The following SORBS2 variants were observed in gnomAD, a reference collection of about 807,000 sequenced individuals.
SORBS2 encodes the protein sorbin and SH3 domain-containing protein 2.
SORBS2 carries 46 observed loss-of-function variants against 97.7 expected under a neutral mutation model. The observed-to-expected ratio is 0.47, with a 90% CI of 0.37 to 0.60. SORBS2 has a LOEUF of 0.60. SORBS2 is among the 20% of genes least tolerant of loss of function. The pLI, the probability that SORBS2 is intolerant of heterozygous loss-of-function variation, is 0.00. For synonymous variants in SORBS2, 476 were observed against 473.4 expected, an observed-to-expected ratio of 1.01 and a Z score of -0.07; for missense variants, 1,316 against 1,282.3, an observed-to-expected ratio of 1.03 and a Z score of -0.40.
intron 2 of SORBS2, among the ~76,000 whole-genome samples, chr4:185,688,700 T>C (rs866853574): frequency 6.6e-6 from 1 of 152,144 alleles, no homozygotes; most frequent in Admixed American, 6.6e-5. Flanking sequence ...CTACTTCATT[T>C]TGTAAACACA....
intron 2 of SORBS2, among the ~76,000 whole-genome samples, chr4:185,711,696 G>A (rs924221005): frequency 2.0e-5 from 3 of 152,246 alleles, no homozygotes; most frequent in Non-Finnish European, 4.4e-5. Context: ...TAATATTTGA[G>A]GCAATCGTAG....
intron 1 of SORBS2, among the ~76,000 whole-genome samples, chr4:185,852,291 G>A (rs1205658643): frequency 6.6e-6 from 1 of 152,140 alleles, no homozygotes; most frequent in Non-Finnish European, 1.5e-5. Context: ...AATAGCTTAA[G>A]GACTAGCGCT....
chr4:185,751,608 A>G lies in SORBS2; in HGVS notation c.-198+23619T>C, dbSNP rs375835829. On this transcript the variant is annotated intron_variant, in intron 2 of 20. Coordinates refer to the SORBS2 transcript ENST00000284776. ...AGAAGATGGTGAAGGCACCACTCCAAAGAGTGTAGATACATACTGACCACA... is the reference window on the plus strand; with the variant it reads ...AGAAGATGGTGAAGGCACCACTCCAGAGAGTGTAGATACATACTGACCACA... Among the ~76,000 whole-genome samples, 3 of 152,260 alleles carry G rather than the reference A, an allele frequency of 2.0e-5. No individual in the cohort carries two copies. The East Asian group carries it at 5.8e-4, about 29-fold the overall frequency.
intron 1 of SORBS2, among the ~76,000 whole-genome samples, chr4:185,810,445 T>C (rs891622434): frequency 6.6e-6 from 1 of 152,260 alleles, no homozygotes; most frequent in African/African-American, 2.4e-5. Context: ...TTCTTAGAAG[T>C]AGATCTCAGT....
At chr4:185,672,970 T>C (rs1372837061) in intron 4 of SORBS2, among the ~76,000 whole-genome samples, 1 of 152,138 alleles carries the variant, frequency 6.6e-6, no homozygotes, top group African/African-American at 2.4e-5. Context: ...ACAAACCAAA[T>C]GTCCATTGAT....
At chr4:185,897,574 G>A (rs2149819716) in intron 1 of SORBS2, among the ~76,000 whole-genome samples, 1 of 152,274 alleles carries the variant, frequency 6.6e-6, no homozygotes, top group Non-Finnish European at 1.5e-5. Flanking sequence ...TTTGTGAGTT[G>A]ATTTTTCAGC....
At chr4:185,894,700 G>A (rs897631511) in intron 1 of SORBS2, among the ~76,000 whole-genome samples, 4 of 152,120 alleles carry the variant, frequency 2.6e-5, no homozygotes, top group African/African-American at 7.2e-5. Context: ...GCTCCATTGC[G>A]CTGACACAGC....
intron 1 of SORBS2, among the ~76,000 whole-genome samples, chr4:185,935,976 T>G (rs2099268741): frequency 6.6e-6 from 1 of 152,190 alleles, no homozygotes; most frequent in African/African-American, 2.4e-5. Flanking sequence ...CTCAGCCTCC[T>G]GAGTAGTTGG....
chr4:185,920,113 C>T (rs1215203406), intron 1 of SORBS2, among the ~76,000 whole-genome samples: 8 of 152,160 alleles, frequency 5.3e-5, no homozygotes, highest in Admixed American at 1.3e-4. Context: ...AATAGTGGTA[C>T]ACAAATTTGA....
At chr4:185,587,827 T>A (rs1419886689) in intron 14 of SORBS2, 139 bp from the exon 27 acceptor site, 3 of 677,494 alleles carry the variant, frequency 4.4e-6, no homozygotes. Context: ...GCAACTCACA[T>A]GAAGCCCATA....
chr4:185,822,926 G>A (rs2099197651), intron 1 of SORBS2, among the ~76,000 whole-genome samples: 1 of 152,186 alleles, frequency 6.6e-6, no homozygotes, highest in African/African-American at 2.4e-5. Flanking sequence ...AATTCACGAT[G>A]CCAAAGGAAA....
chr4:185,842,371 A>G (rs2099212058), intron 1 of SORBS2, among the ~76,000 whole-genome samples: 1 of 152,210 alleles, frequency 6.6e-6, no homozygotes, highest in Admixed American at 6.5e-5. Flanking sequence ...GACAAGAAGG[A>G]AAGTGTCAGA....
chr4:185,833,131 A>G (rs921695004), intron 1 of SORBS2, among the ~76,000 whole-genome samples: 2 of 152,214 alleles, frequency 1.3e-5, no homozygotes, highest in Non-Finnish European at 2.9e-5. Context: ...AGAACAAAAG[A>G]TAAGTTATCC....
chr4:185,888,992 G>A (rs1015987594), intron 1 of SORBS2, among the ~76,000 whole-genome samples: 6 of 152,248 alleles, frequency 3.9e-5, no homozygotes, highest in Admixed American at 1.3e-4. Flanking sequence ...CACTCCAGCA[G>A]GCGACTGCTG....
chr4:185,926,657 A>G (rs1445163929), intron 1 of SORBS2, among the ~76,000 whole-genome samples: 3 of 152,032 alleles, frequency 2.0e-5, no homozygotes, highest in African/African-American at 7.2e-5. Flanking sequence ...TTATATTAGT[A>G]TAATTTAAAT....
rs576310599 is a variant in SORBS2 at position 185,597,003 on chromosome 4, G to A, written c.2797-3068C>T. 3.3e-5 allele frequency among the ~76,000 whole-genome samples: 5 copies of A among 152,214 alleles called. No individual in the cohort carries two copies. In the East Asian group the frequency reaches 9.7e-4, roughly 29 times the overall value. On this transcript the variant is annotated intron_variant, in intron 12 of 14. Transcript: ENST00000418609. ...AGAGAAGTTGTGTGTGTCTTATAATGGCGAGTTTTAGAACTTTTCAAAGCT... is the reference window on the plus strand; with the variant it reads ...AGAGAAGTTGTGTGTGTCTTATAATAGCGAGTTTTAGAACTTTTCAAAGCT...
intron 1 of SORBS2, among the ~76,000 whole-genome samples, chr4:185,905,848 A>C (rs758141529): frequency 4.9e-4 from 75 of 152,212 alleles, no homozygotes; most frequent in Non-Finnish European, 9.0e-4. Context: ...CTGCAAGACA[A>C]ATAAGGTAGT....
At chr4:185,652,708 G>C in exon 2 of SORBS2, 3 of 1,614,122 alleles carry the variant, frequency 1.9e-6, no homozygotes, top group Non-Finnish European at 2.5e-6. Flanking sequence ...TCTTGTACCA[G>C]TCCTTGGGCC....
At chr4:185,672,640 G>T (rs987260416) in intron 4 of SORBS2, among the ~76,000 whole-genome samples, 8 of 152,204 alleles carry the variant, frequency 5.3e-5, no homozygotes, top group African/African-American at 1.9e-4. Flanking sequence ...GTGACCTGTA[G>T]TTTTCTTCTT....
Sources: allele counts gnomAD v4.1 joint callset (sites outside exome capture counted in the v4.1 genomes callset), GRCh38; gene constraint gnomAD v4.1.1; transcripts MANE v1.5; gene names NCBI Gene and HGNC (gene_info 2026-07-23, HGNC 2026-07-21).